The following ITGB3 variants were observed in gnomAD, a reference collection of about 807,000 sequenced individuals.
ITGB3 encodes the protein integrin beta-3.
In ITGB3, 48 loss-of-function variants were observed where a neutral mutation model predicts 85.8. The observed-to-expected ratio is 0.56, with a 90% CI of 0.44 to 0.71. The LOEUF is 0.71. Ranked by LOEUF, ITGB3 falls within the 30% of genes least tolerant of loss-of-function variation. The pLI, the probability that ITGB3 is intolerant of heterozygous loss-of-function variation, is 0.00. For synonymous variants in ITGB3, 363 were observed against 395.6 expected, an observed-to-expected ratio of 0.92 and a Z score of 0.98; for missense variants, 861 against 1,019.1, an observed-to-expected ratio of 0.84 and a Z score of 2.11.
intron 1 of ITGB3, among the ~76,000 whole-genome samples, chr17:47,270,263 C>T (rs1239124539): frequency 6.6e-6 from 1 of 152,190 alleles, no homozygotes; most frequent in Non-Finnish European, 1.5e-5. Context: ...TTGATGTCTT[C>T]TTGTGCTTCT....
At chr17:47,269,673 G>A (rs1486495303) in intron 1 of ITGB3, among the ~76,000 whole-genome samples, 1 of 152,110 alleles carries the variant, frequency 6.6e-6, no homozygotes, top group Non-Finnish European at 1.5e-5. Flanking sequence ...CCTGTATTCT[G>A]AGCCCTCCAA....
intron 1 of ITGB3, among the ~76,000 whole-genome samples, chr17:47,255,183 T>G (rs1421332484): frequency 6.6e-6 from 1 of 151,812 alleles, no homozygotes; most frequent in Non-Finnish European, 1.5e-5. Flanking sequence ...TTCACCATGT[T>G]GGCCAGGCTG....
At chr17:47,298,366 C>T (rs2065153531) in intron 10 of ITGB3, among the ~76,000 whole-genome samples, 1 of 152,116 alleles carries the variant, frequency 6.6e-6, no homozygotes, top group Non-Finnish European at 1.5e-5. Flanking sequence ...TGCACTGGCC[C>T]TCGGCAGTCT....
At chr17:47,279,914 G>A (rs2065077135) in intron 2 of ITGB3, 1 of 152,272 alleles carries the variant, frequency 6.6e-6, no homozygotes, top group Non-Finnish European at 1.5e-5. Context: ...GCTTCCAGAG[G>A]AGGAAGGGGT....
At chr17:47,300,368 T>TGTGTGTGTGTG (rs1555573422) in intron 11 of ITGB3, 110 bp from the exon 12 acceptor site, 11 of 777,910 alleles carry the variant, frequency 1.4e-5, no homozygotes, top group African/African-American at 6.9e-5. Context: ...TGTGTGTGTG[T>TGTGTGTGTGTG]TTTAATGGAG....
chr17:47,290,354 C>T, intron 8 of ITGB3, 80 bp downstream of exon 8: 1 of 1,196,266 alleles, frequency 8.4e-7, no homozygotes, highest in South Asian at 1.2e-5. Flanking sequence ...ATTTGTGAGT[C>T]CCAGTTGCCA....
chr17:47,268,784 C>T (rs911441335), intron 1 of ITGB3, among the ~76,000 whole-genome samples: 2 of 152,222 alleles, frequency 1.3e-5, no homozygotes, highest in Non-Finnish European at 2.9e-5. Context: ...GATGGTGGCC[C>T]TCTGCTCACA....
At chr17:47,267,462 A>G (rs559672962) in intron 1 of ITGB3, among the ~76,000 whole-genome samples, 1 of 152,308 alleles carries the variant, frequency 6.6e-6, no homozygotes, top group East Asian at 1.9e-4. Context: ...TTGAATCAGC[A>G]TGGGCTCAGT....
At chr17:47,306,738 T>C (rs1345090424) in intron 13 of ITGB3, among the ~76,000 whole-genome samples, 2 of 152,160 alleles carry the variant, frequency 1.3e-5, no homozygotes, top group African/African-American at 4.8e-5. Context: ...TGGAGTGTAA[T>C]GGTGTGATCT....
intron 2 of ITGB3, among the ~76,000 whole-genome samples, chr17:47,276,044 A>G (rs8077753): frequency 0.28 from 42,380 of 151,850 alleles, 6,176 homozygotes; most frequent in East Asian, 0.48. Context: ...CTGGAAGAAG[A>G]GAGAGCTGAA....
Position 47,254,615 on chromosome 17 carries a change from C to G in ITGB3, c.79+675C>G, listed in dbSNP as rs180827894. 2.8e-3 allele frequency among the ~76,000 whole-genome samples: 423 copies of G among 152,310 alleles called. 2 individuals carry two copies. Among genetic ancestry groups the G allele is most frequent in the Middle Eastern group, 0.014 (4 of 294 alleles). ...AGGGCAGACCCTGCACCCGAAAAAT[C>G]TCTAGTGTATTCGGGGAGCCATGAA... On this transcript the variant is annotated intron_variant, in intron 1 of 14. Coordinates refer to ENST00000559488, the MANE Select transcript of ITGB3 (RefSeq NM_000212.3).
At chr17:47,263,162 T>C (rs2065014275) in intron 1 of ITGB3, among the ~76,000 whole-genome samples, 1 of 152,326 alleles carries the variant, frequency 6.6e-6, no homozygotes, top group South Asian at 2.1e-4. Context: ...ATGCTTTTTC[T>C]GCCATATCCA....
chr17:47,296,561 C>A (rs536998557), intron 10 of ITGB3, among the ~76,000 whole-genome samples: 4 of 152,280 alleles, frequency 2.6e-5, no homozygotes, highest in African/African-American at 9.6e-5. Context: ...AGGTGAGTTA[C>A]ATGATCAAGT....
At chr17:47,261,168 A>G (rs1052824151) in intron 1 of ITGB3, among the ~76,000 whole-genome samples, 5 of 152,170 alleles carry the variant, frequency 3.3e-5, no homozygotes, top group African/African-American at 9.7e-5. Flanking sequence ...TGAGTTTGCC[A>G]TTCCAAGAGG....
chr17:47,304,592 GTTTTGT>G (rs370019711), intron 13 of ITGB3, among the ~76,000 whole-genome samples: 175 of 152,038 alleles, frequency 1.2e-3, no homozygotes, highest in African/African-American at 2.3e-3. Context: ...TGCTTTTTTT[GTTTTGT>G]TTTTGTTTTT....
At chr17:47,295,253 G>A (rs1428603737) in intron 10 of ITGB3, among the ~76,000 whole-genome samples, 1 of 152,154 alleles carries the variant, frequency 6.6e-6, no homozygotes, top group Non-Finnish European at 1.5e-5. Flanking sequence ...CTTCATGGAG[G>A]AGGTGGGATG....
chr17:47,301,297 C>T (rs540805715), intron 12 of ITGB3, among the ~76,000 whole-genome samples: 1 of 152,280 alleles, frequency 6.6e-6, no homozygotes, highest in East Asian at 1.9e-4. Flanking sequence ...AGAGAGATGG[C>T]AATCTCTCCA....
intron 9 of ITGB3, among the ~76,000 whole-genome samples, chr17:47,291,782 A>T (rs1199921205): frequency 6.6e-6 from 1 of 152,254 alleles, no homozygotes; most frequent in Non-Finnish European, 1.5e-5. Context: ...TGCTTTGTGC[A>T]TCTTGCTGAT....
intron 2 of ITGB3, among the ~76,000 whole-genome samples, chr17:47,276,968 C>G (rs1861794174): frequency 6.6e-6 from 1 of 152,130 alleles, no homozygotes; most frequent in South Asian, 2.1e-4. Flanking sequence ...GGAAAAACAA[C>G]TGGTTGGGCT....
Sources: allele counts gnomAD v4.1 joint callset (sites outside exome capture counted in the v4.1 genomes callset), GRCh38; gene constraint gnomAD v4.1.1; transcripts MANE v1.5; gene names NCBI Gene and HGNC (gene_info 2026-07-23, HGNC 2026-07-21).